The following IRS1 variants were observed in gnomAD, a reference collection of about 807,000 sequenced individuals.
IRS1 encodes insulin receptor substrate 1.
A neutral mutation model predicts 65.6 loss-of-function variants in IRS1; 34 were observed. That is an observed-to-expected ratio of 0.52 (90% CI 0.39 to 0.69). The LOEUF (loss-of-function observed/expected upper bound fraction) is 0.69, where lower values mean the gene tolerates loss of function less well. Among genes scored for constraint, IRS1 ranks in the 30% least tolerant of loss-of-function variants. The probability of loss-of-function intolerance (pLI) is 0.00; values close to 1 mark genes in which losing one functional copy is unlikely to be tolerated. For missense variants in IRS1, 1,641 were observed against 1,720.2 expected (o/e 0.95, Z 0.81); for synonymous variants, 699 against 683.5 (o/e 1.02, Z -0.35).
chr2:226,769,784 T>C (rs1939129196), intron 1 of IRS1, among the ~76,000 whole-genome samples: 1 of 152,208 alleles, frequency 6.6e-6, no homozygotes, highest in Non-Finnish European at 1.5e-5. Flanking sequence ...CATAAGCCAA[T>C]GGAATGGAGT....
At chr2:226,738,887 T>C (rs528226128) in intron 1 of IRS1, among the ~76,000 whole-genome samples, 2 of 152,324 alleles carry the variant, frequency 1.3e-5, no homozygotes, top group South Asian at 2.1e-4. Context: ...GCATATGGTA[T>C]GTTTTTCATT....
intron 1 of IRS1, among the ~76,000 whole-genome samples, chr2:226,788,710 C>T (rs895667122): frequency 6.6e-6 from 1 of 152,010 alleles, no homozygotes; most frequent in African/African-American, 2.4e-5. Context: ...AAAAGCTTTA[C>T]AATAAATTTT....
At chr2:226,766,121 TTATATATA>T (rs1171119286) in intron 1 of IRS1, among the ~76,000 whole-genome samples, 9 of 14,228 alleles carry the variant, frequency 6.3e-4, no homozygotes, top group African/African-American at 1.3e-3. Flanking sequence ...TCTCTTAATC[TTATATATA>T]TATATATATA....
chr2:226,743,481 C>T (rs887531696), intron 1 of IRS1, among the ~76,000 whole-genome samples: 8 of 152,174 alleles, frequency 5.3e-5, no homozygotes, highest in African/African-American at 1.4e-4. Flanking sequence ...CCACCCGCCT[C>T]GGCCTCTCAA....
intron 1 of IRS1, among the ~76,000 whole-genome samples, chr2:226,744,986 T>C (rs1288102859): frequency 6.6e-6 from 1 of 152,160 alleles, no homozygotes; most frequent in Admixed American, 6.5e-5. Context: ...ACACTCCCTC[T>C]CTGAAACCAG....
Position 226,738,784 on chromosome 2 carries a change from G to C in IRS1, c.*22-2534C>G, listed in dbSNP as rs16822579. Among the ~76,000 whole-genome samples, 1,050 of 152,218 alleles carry C rather than the reference G, an allele frequency of 6.9e-3. 15 individuals carry two copies. Among genetic ancestry groups the C allele is most frequent in the African/African-American group, 0.024 (985 of 41,520 alleles). ...GCGCTTAACAGAGCTTCACAGCTCT[G>C]GGCCTCTAATTAGGCAGGAAGGCCA... On this transcript the variant is annotated intron_variant, in intron 1 of 1. Coordinates refer to ENST00000305123, the MANE Select transcript of IRS1 (RefSeq NM_005544.3).
Position 226,797,079 on chromosome 2 carries a change from T to A in IRS1, c.1660A>T (p.Met554Leu). Reference sequence around the variant, plus strand: ...CCTCCTGGTGGGTAGGCAGGCATCATCTCTGTGTACTCCTCAATGGAAGCC... The same window carrying A: ...CCTCCTGGTGGGTAGGCAGGCATCAACTCTGTGTACTCCTCAATGGAAGCC... ...SVASIEEYTE[M>L]MPAYPPGGGS... The change falls in exon 1 of 2, where the codon ATG (methionine) becomes TTG (leucine). Residue 554 changes from methionine to leucine, a missense_variant. By Grantham distance (15) the Met-to-Leu change is conservative. Around this residue, in one of 3 missense-constraint regions of IRS1, gnomAD observed 1,324 missense variants for 1,361.0 expected, o/e 0.97. Transcript: ENST00000305123. This position sits in a 1 kb window ranked among gnomAD's most constrained non-coding sequence, Gnocchi z 8.1. 5 of 1,613,340 alleles carry A rather than the reference T, an allele frequency of 3.1e-6. No homozygotes were observed. Among genetic ancestry groups the A allele is most frequent in the Non-Finnish European group, 4.2e-6 (5 of 1,179,922 alleles).
Position 226,798,873 on chromosome 2 carries a change from ACGCCGCCCCC to A in IRS1, c.-145_-136del. 3.9e-6 allele frequency: 6 copies of A among 1,523,770 alleles called. No homozygotes were observed. Among genetic ancestry groups the A allele is most frequent in the Non-Finnish European group, 5.3e-6 (6 of 1,132,144 alleles). 94.4% of individuals were successfully genotyped at this position (1,523,770 alleles called of 1,614,324 possible). On this transcript the variant is annotated 5_prime_UTR_variant, in exon 1 of 2. Transcript: ENST00000305123. The surrounding 1 kb of genome is among the most constrained non-coding windows in gnomAD (Gnocchi z 9.4). Reference sequence around the variant, plus strand: ...AGCAGAAACCCCGACTCTGAAATCCACGCCGCCCCCCGCGCCGGGGAGGGGCAGCTGAAGG... The same window carrying A: ...AGCAGAAACCCCGACTCTGAAATCCACGCGCCGGGGAGGGGCAGCTGAAGG...
At chr2:226,766,163 ATTTTTTT>A (rs5839180) in intron 1 of IRS1, among the ~76,000 whole-genome samples, 3 of 4,598 alleles carry the variant, frequency 6.5e-4, no homozygotes, top group Admixed American at 6.6e-3. Flanking sequence ...ATATATATAT[ATTTTTTT>A]TTTTTTTTTT....
chr2:226,780,114 C>G (rs1490764655), intron 1 of IRS1, among the ~76,000 whole-genome samples: 1 of 152,096 alleles, frequency 6.6e-6, no homozygotes, highest in Non-Finnish European at 1.5e-5. Flanking sequence ...AGGTAGCAGC[C>G]GGGTGCGGTG....
chr2:226,770,011 G>GA (rs35168801), intron 1 of IRS1, among the ~76,000 whole-genome samples: 11,187 of 150,366 alleles, frequency 0.074, 670 homozygotes, highest in African/African-American at 0.17. Context: ...ATAGGAGGTT[G>GA]AAAAAAAAAG....
Position 226,797,317 on chromosome 2 carries a change from G to A in IRS1, c.1422C>T (p.Ser474=), listed in dbSNP as rs1201545442. Residue 474 remains serine, a synonymous_variant, in exon 1 of 2, where the codon TCC becomes TCT. Transcript: ENST00000305123. This position sits in a 1 kb window ranked among gnomAD's most constrained non-coding sequence, Gnocchi z 8.1. ...NYICMGGKGP[S]TLTAPNGHYI... is the part of the protein sequence containing the mutation. Reference sequence around the variant, plus strand: ...AGTGACCGTTGGGGGCGGTCAGGGTGGAGGGCCCCTTGCCACCCATGCAGA... The same window carrying A: ...AGTGACCGTTGGGGGCGGTCAGGGTAGAGGGCCCCTTGCCACCCATGCAGA... The A allele has an allele frequency of 6.2e-7, 1 of 1,613,384 alleles. No homozygotes were observed. The highest frequency in any genetic ancestry group is 8.5e-7 in the Non-Finnish European group (1 of 1,180,004).
intron 1 of IRS1, among the ~76,000 whole-genome samples, chr2:226,750,029 CA>C (rs1453146863): frequency 6.6e-6 from 1 of 152,072 alleles, no homozygotes; most frequent in Non-Finnish European, 1.5e-5. Flanking sequence ...GCGGGTGGAT[CA>C]CCTGAGGTCA....
rs201935731 is a variant in IRS1, at chr2:226,795,802, G to A, written c.2937C>T (p.Thr979=). The A allele has an allele frequency of 6.2e-7, 1 of 1,613,064 alleles. No homozygotes were observed. The highest frequency in any genetic ancestry group is 2.2e-5 in the East Asian group (1 of 44,866). ...PPGAASICRP[T]RAVPSSRGDY... is the part of the protein sequence containing the mutation. ...CACCCCGGCTGCTGGGCACTGCCCG[G>A]GTAGGCCTGCAAATGCTAGCAGCCC... Residue 979 remains threonine (T), a synonymous_variant, in exon 1 of 2, where the codon ACC becomes ACT. Transcript: ENST00000305123.
At chr2:226,767,117 G>T (rs1939067448) in intron 1 of IRS1, among the ~76,000 whole-genome samples, 1 of 152,052 alleles carries the variant, frequency 6.6e-6, no homozygotes, top group Non-Finnish European at 1.5e-5. Context: ...CAGAAAAAAG[G>T]CCTGATATGT....
rs1257438533 is a variant in IRS1 at position 226,795,310 on chromosome 2, A to C, written c.3429T>G (p.Ser1143=). 6.2e-7 allele frequency: 1 copy of C among 1,613,850 alleles called. No individual in the cohort carries two copies. ...SSSEDVKRHS[S]ASFENVWLRP... ...TCAGCCACACATTCTCAAAGGAAGC[A>C]GAGCTGTGGCGTTTCACATCCTCGC... The change falls in exon 1 of 2, where the codon TCT becomes TCG. Residue 1143 remains serine, a synonymous_variant. Coordinates refer to ENST00000305123, the MANE Select transcript of IRS1 (RefSeq NM_005544.3).
intron 1 of IRS1, among the ~76,000 whole-genome samples, chr2:226,743,499 G>A (rs755733543): frequency 6.6e-6 from 1 of 152,060 alleles, no homozygotes; most frequent in Non-Finnish European, 1.5e-5. Flanking sequence ...CAAAGTGCTG[G>A]GATTACAGGT....
chr2:226,760,828 C>T (rs1381317437), intron 1 of IRS1, among the ~76,000 whole-genome samples: 3 of 152,146 alleles, frequency 2.0e-5, no homozygotes. Context: ...CAAACAATTC[C>T]TTATTGAAAA....
chr2:226,779,409 C>A (rs1939338392), intron 1 of IRS1, among the ~76,000 whole-genome samples: 1 of 152,148 alleles, frequency 6.6e-6, no homozygotes. Flanking sequence ...TTAGATACAA[C>A]AAACAGTATC....
Sources: gnomAD v4.1 joint callset for allele counts (sites outside exome capture counted in the v4.1 genomes callset) on GRCh38, gnomAD v4.1.1 for gene constraint, gnomAD v4.1.1 regional missense constraint, Gnocchi (gnomAD v3.1) non-coding constraint, MANE v1.5 for transcripts, NCBI Gene and HGNC (gene_info 2026-07-23, HGNC 2026-07-21) for gene names.